The following PNPLA7 variants were observed in gnomAD, a reference collection of about 807,000 sequenced individuals.
PNPLA7 encodes patatin-like phospholipase domain-containing protein 7.
Under a neutral mutation model 161.7 loss-of-function variants are expected in PNPLA7, and 153 were observed. The observed-to-expected ratio is 0.95, with a 90% CI of 0.83 to 1.08. PNPLA7 has a LOEUF of 1.08. Among genes scored for constraint, PNPLA7 ranks in the 50% least tolerant of loss-of-function variants. The pLI is 0.00. For synonymous variants in PNPLA7, 809 were observed against 782.1 expected, an observed-to-expected ratio of 1.03 and a Z score of -0.57; for missense variants, 1,739 against 1,856.6, an observed-to-expected ratio of 0.94 and a Z score of 1.16.
intron 20 of PNPLA7, among the ~76,000 whole-genome samples, chr9:137,489,071 C>T (rs1273006768): frequency 8.1e-5 from 12 of 147,876 alleles, no homozygotes; most frequent in African/African-American, 2.0e-4. Flanking sequence ...CCCAACTGTG[C>T]ACCCCCTGAC....
At chr9:137,528,902 G>A (rs1835436056) in intron 8 of PNPLA7, among the ~76,000 whole-genome samples, 1 of 151,820 alleles carries the variant, frequency 6.6e-6, no homozygotes, top group African/African-American at 2.4e-5. Flanking sequence ...AGGTTTCACT[G>A]CGTTAGCCAG....
At chr9:137,509,402 C>CGGCGTGAGTGAGTTTAGCT (rs1834091437) in intron 12 of PNPLA7, 3 of 114,384 alleles carry the variant, frequency 2.6e-5, no homozygotes, top group Admixed American at 9.7e-5. Flanking sequence ...TGAGTTTAGC[C>CGGCGTGAGTGAGTTTAGCT]GGCGTGAGTG....
intron 21 of PNPLA7, among the ~76,000 whole-genome samples, chr9:137,481,448 T>C (rs1379223284): frequency 6.6e-6 from 1 of 152,160 alleles, no homozygotes; most frequent in African/African-American, 2.4e-5. Flanking sequence ...GGGTCCCCAG[T>C]GTTGACATGC....
chr9:137,479,925 G>C (rs538878032), intron 23 of PNPLA7: 1 of 981,452 alleles, frequency 1.0e-6, no homozygotes, highest in African/African-American at 1.7e-5. Flanking sequence ...TAAGCAGCCA[G>C]AAAAAGCAGT....
chr9:137,549,046 C>T (rs1053998176), intron 1 of PNPLA7, among the ~76,000 whole-genome samples: 1 of 152,270 alleles, frequency 6.6e-6, no homozygotes, highest in African/African-American at 2.4e-5. Flanking sequence ...GCCTATCACG[C>T]GATGGCCCGT....
Position 137,500,797 on chromosome 9 carries a change from C to A in PNPLA7, c.1651G>T (p.Glu551Ter). Residue 551 changes from glutamate (E) to a stop codon, truncating the protein, a stop_gained, in exon 16 of 35, where the codon GAG becomes TAG. Transcript: ENST00000406427. LOFTEE classifies it high-confidence loss of function. This position sits in a 1 kb window ranked among gnomAD's most constrained non-coding sequence, Gnocchi z 5.5. ...AGCACGGCCAGCTGGCCCACCATCTCCCCGGGGCGCGTGAGGAACAAGCAG... is the reference window on the plus strand; with the variant it reads ...AGCACGGCCAGCTGGCCCACCATCTACCCGGGGCGCGTGAGGAACAAGCAG... Reference protein sequence around the residue: ...DTCLFLTRPGEMVGQLAVLTG... With the variant: ...DTCLFLTRPG 1.2e-6 allele frequency: 2 copies of A among 1,610,464 alleles called. No homozygotes were observed. Among genetic ancestry groups the A allele is most frequent in the Non-Finnish European group, 1.7e-6 (2 of 1,179,292 alleles).
intron 11 of PNPLA7, chr9:137,516,561 C>A: frequency 1.0e-6 from 1 of 983,366 alleles, no homozygotes; most frequent in Non-Finnish European, 1.2e-6. Context: ...GTAATCCAAA[C>A]AATTTGGGAG....
chr9:137,513,224 G>T (rs1158991365), intron 12 of PNPLA7, among the ~76,000 whole-genome samples: 1 of 152,118 alleles, frequency 6.6e-6, no homozygotes, highest in Non-Finnish European at 1.5e-5. Flanking sequence ...GGGTGCGGTG[G>T]CTCAGCCTGT....
chr9:137,530,755 G>T lies in PNPLA7; in HGVS notation c.748-7898C>A, dbSNP rs888494664. Among the ~76,000 whole-genome samples the T allele has an allele frequency of 6.6e-5, 10 of 152,188 alleles. No individual in the cohort carries two copies. In the East Asian group the frequency reaches 1.9e-3, roughly 29 times the overall value. ...CTTCTTTGAGAGCCTGAATGAAGAT[G>T]CCTAACACATCACCACAGATACTAA... On this transcript the variant is annotated intron_variant, in intron 8 of 34. Coordinates refer to ENST00000406427, the MANE Select transcript of PNPLA7 (RefSeq NM_001098537.3).
chr9:137,542,300 C>T (rs117611467), intron 7 of PNPLA7, among the ~76,000 whole-genome samples: 186 of 152,132 alleles, frequency 1.2e-3, no homozygotes, highest in Non-Finnish European at 2.0e-3. Context: ...GAGACTCCAT[C>T]TCTACAAAAA....
At chr9:137,549,739 C>T (rs1266191123) in intron 1 of PNPLA7, among the ~76,000 whole-genome samples, 1 of 151,904 alleles carries the variant, frequency 6.6e-6, no homozygotes, top group Non-Finnish European at 1.5e-5. Context: ...GAGCCAAGAT[C>T]ACACCATTGC....
chr9:137,509,870 A>G (rs1834126358), intron 12 of PNPLA7: 1 of 367,054 alleles, frequency 2.7e-6, no homozygotes, highest in African/African-American at 2.1e-5. Context: ...TATAGATCTT[A>G]GGTATGATTA....
At chr9:137,481,742 G>A (rs886641617) in intron 21 of PNPLA7, among the ~76,000 whole-genome samples, 3 of 152,166 alleles carry the variant, frequency 2.0e-5, no homozygotes, top group African/African-American at 7.2e-5. Flanking sequence ...GGATCACGAG[G>A]TCAGGAGATC....
At chr9:137,526,434 T>A (rs1409709158) in intron 8 of PNPLA7, among the ~76,000 whole-genome samples, 1 of 152,116 alleles carries the variant, frequency 6.6e-6, no homozygotes, top group Admixed American at 6.5e-5. Flanking sequence ...CCCGCCACCA[T>A]GCCAGGTTAA....
In PNPLA7 at chr9:137,541,185, T is replaced by A. The variant is rs1209692117; in HGVS notation, c.667-463A>T. Among the ~76,000 whole-genome samples, 1 of 152,214 alleles carries A rather than the reference T, an allele frequency of 6.6e-6. No individual in the cohort carries two copies. ...CAGCTTGACCCAGGAAAATTCTTTATGAAGTTGCCCAAATCTGGCCCCAGT... is the reference window on the plus strand; with the variant it reads ...CAGCTTGACCCAGGAAAATTCTTTAAGAAGTTGCCCAAATCTGGCCCCAGT... On this transcript the variant is annotated intron_variant, in intron 7 of 34. Transcript: ENST00000406427. This position sits in a 1 kb window ranked among gnomAD's most constrained non-coding sequence, Gnocchi z 4.4.
chr9:137,474,886 G>T (rs1177570946), intron 25 of PNPLA7, among the ~76,000 whole-genome samples: 2 of 150,974 alleles, frequency 1.3e-5, no homozygotes, highest in African/African-American at 4.9e-5. Flanking sequence ...GCTGGGCGTG[G>T]TGGGGGCGCC....
rs541508691 is a variant in PNPLA7 at position 137,535,492 on chromosome 9, C to G, written c.747+5150G>C. ...ATTCAGGGCCAGGCGCAGTGGCTCA[C>G]ACCTGTAATCCCAGCACTTTGGGAG... On this transcript the variant is annotated intron_variant, in intron 8 of 34. Transcript: ENST00000406427. Among the ~76,000 whole-genome samples, 12 of 152,290 alleles carry G rather than the reference C, an allele frequency of 7.9e-5. No homozygotes were observed. The South Asian group carries it at 2.5e-3, about 32-fold the overall frequency.
chr9:137,512,007 G>C (rs1319694890), intron 12 of PNPLA7, among the ~76,000 whole-genome samples: 1 of 152,170 alleles, frequency 6.6e-6, no homozygotes, highest in Non-Finnish European at 1.5e-5. Context: ...AAATAGCAGT[G>C]CGTCCAGGCC....
At chr9:137,502,539 C>T (rs1376191769) in intron 14 of PNPLA7, among the ~76,000 whole-genome samples, 1 of 146,184 alleles carries the variant, frequency 6.8e-6, no homozygotes, top group African/African-American at 2.6e-5. Context: ...AGCTCTCAGG[C>T]AGAGGACGGC....
Sources: allele counts gnomAD v4.1 joint callset (sites outside exome capture counted in the v4.1 genomes callset), GRCh38; gene constraint gnomAD v4.1.1; non-coding constraint Gnocchi (gnomAD v3.1); transcripts MANE v1.5; gene names NCBI Gene and HGNC (gene_info 2026-07-23, HGNC 2026-07-21).